Variants in CCDC3 observed in about 807,000 individuals in gnomAD.
CCDC3 encodes coiled-coil domain containing 3.
CCDC3 carries 24 observed loss-of-function variants against 21.4 expected under a neutral mutation model. That is an observed-to-expected ratio of 1.12 (90% CI 0.81 to 1.58). The LOEUF is 1.58. Among genes scored for constraint, CCDC3 ranks in the 40% most tolerant of loss-of-function variants. The pLI is 0.00. For missense variants in CCDC3, 425 were observed against 360.9 expected, an observed-to-expected ratio of 1.18 and a Z score of -1.44; for synonymous variants, 186 against 166.0, an observed-to-expected ratio of 1.12 and a Z score of -0.93.
Position 12,909,569 on chromosome 10 carries a change from C to CA in CCDC3, c.550-10891dup, listed in dbSNP as rs537340655. Reference sequence around the variant, plus strand: ...GGGAAGAACAGGTCATTGGCCCAGTCAAAGCTTACCCCTTGCTCTGTGGAC... The same window carrying CA: ...GGGAAGAACAGGTCATTGGCCCAGTCAAAAGCTTACCCCTTGCTCTGTGGAC... On this transcript the variant is annotated intron_variant, in intron 2 of 2. Coordinates refer to ENST00000378825, the MANE Select transcript of CCDC3 (RefSeq NM_031455.4). 9.0e-4 allele frequency among the ~76,000 whole-genome samples: 137 copies of CA among 152,312 alleles called. 1 individual carries two copies. Among genetic ancestry groups the CA allele is most frequent in the African/African-American group, 3.1e-3 (130 of 41,570 alleles).
At chr10:13,091,840 A>T (rs1343744191) in intron 3 of CCDC3, among the ~76,000 whole-genome samples, 1 of 102,658 alleles carries the variant, frequency 9.7e-6, no homozygotes, top group African/African-American at 3.5e-5. Context: ...AAAAAAAAAA[A>T]ATTCCTCCTT....
At chr10:12,900,522 C>CAAAA (rs10716235) in intron 2 of CCDC3, among the ~76,000 whole-genome samples, 3 of 75,866 alleles carry the variant, frequency 4.0e-5, no homozygotes, top group African/African-American at 1.2e-4. Context: ...ACTAAAAATA[C>CAAAA]AAAAAAAAAA....
intron 5 of CCDC3, among the ~76,000 whole-genome samples, chr10:13,043,981 T>C (rs1836493723): frequency 6.6e-6 from 1 of 151,662 alleles, no homozygotes; most frequent in Non-Finnish European, 1.5e-5. Context: ...CAACAGTAAA[T>C]AAGCATTCCC....
chr10:13,025,380 T>C (rs927837463), intron 5 of CCDC3, among the ~76,000 whole-genome samples: 1 of 152,204 alleles, frequency 6.6e-6, no homozygotes, highest in Non-Finnish European at 1.5e-5. Context: ...TAAAGTTGCA[T>C]TGGCCAAAGC....
intron 4 of CCDC3, among the ~76,000 whole-genome samples, chr10:13,056,394 C>A (rs751942531): frequency 1.3e-5 from 2 of 152,154 alleles, no homozygotes; most frequent in African/African-American, 4.8e-5. Flanking sequence ...GAAATGTAGT[C>A]CAGCTGTGTG....
intron 2 of CCDC3, among the ~76,000 whole-genome samples, chr10:12,952,371 A>G (rs1835020203): frequency 6.6e-6 from 1 of 152,246 alleles, no homozygotes; most frequent in African/African-American, 2.4e-5. Context: ...TTTTACGGTC[A>G]TGGACCATGT....
intron 4 of CCDC3, among the ~76,000 whole-genome samples, chr10:13,070,206 G>C (rs1447798509): frequency 6.6e-6 from 1 of 152,098 alleles, no homozygotes; most frequent in Non-Finnish European, 1.5e-5. Flanking sequence ...ATTGAGTAAG[G>C]TATACTCCTG....
intron 4 of CCDC3, chr10:13,057,840 C>T (rs55749905): frequency 0.38 from 135,652 of 354,500 alleles, 27,033 homozygotes; most frequent in East Asian, 0.53. Flanking sequence ...GAGATCCCGC[C>T]ATGGTACTCC....
intron 2 of CCDC3, among the ~76,000 whole-genome samples, chr10:12,975,302 C>G (rs951924294): frequency 1.3e-5 from 2 of 152,182 alleles, no homozygotes; most frequent in African/African-American, 4.8e-5. Flanking sequence ...CCCAGACACC[C>G]CCACTGCCCT....
At chr10:13,077,481 A>C (rs1836981251) in intron 3 of CCDC3, among the ~76,000 whole-genome samples, 2 of 152,206 alleles carry the variant, frequency 1.3e-5, no homozygotes, top group Non-Finnish European at 2.9e-5. Context: ...GCTACCAATG[A>C]CTTTCTTCAC....
intron 4 of CCDC3, among the ~76,000 whole-genome samples, chr10:13,065,383 T>C (rs1430100758): frequency 6.6e-6 from 1 of 152,116 alleles, no homozygotes; most frequent in South Asian, 2.1e-4. Context: ...CTTATTAGCA[T>C]AAAAATGGTC....
At chr10:13,054,272 C>G (rs1022737322) in intron 4 of CCDC3, among the ~76,000 whole-genome samples, 1 of 152,044 alleles carries the variant, frequency 6.6e-6, no homozygotes, top group African/African-American at 2.4e-5. Context: ...CATCAGGCCA[C>G]TCCGGGCTGC....
chr10:12,957,636 A>G (rs1835111615), intron 2 of CCDC3, among the ~76,000 whole-genome samples: 1 of 152,110 alleles, frequency 6.6e-6, no homozygotes, highest in African/African-American at 2.4e-5. Flanking sequence ...CGATAGTGAG[A>G]GTTCTCTCGA....
chr10:12,937,058 C>T (rs955442471), intron 2 of CCDC3, among the ~76,000 whole-genome samples: 3 of 152,104 alleles, frequency 2.0e-5, no homozygotes, highest in Non-Finnish European at 4.4e-5. Flanking sequence ...AGAGGTAAAA[C>T]TCACAAAAGC....
At chr10:12,994,323 G>T (rs1425951607) in intron 2 of CCDC3, among the ~76,000 whole-genome samples, 1 of 151,714 alleles carries the variant, frequency 6.6e-6, no homozygotes, top group Non-Finnish European at 1.5e-5. Context: ...ACTTGAACCT[G>T]GGAGACAGAG....
At chr10:13,014,847 A>T (rs1836032071) in intron 5 of CCDC3, among the ~76,000 whole-genome samples, 1 of 152,152 alleles carries the variant, frequency 6.6e-6, no homozygotes, top group Admixed American at 6.5e-5. Context: ...ATATTTAAAA[A>T]GTATATTATG....
intron 5 of CCDC3, among the ~76,000 whole-genome samples, chr10:13,024,437 G>C (rs1372829599): frequency 2.0e-5 from 3 of 152,098 alleles, no homozygotes; most frequent in Non-Finnish European, 2.9e-5. Flanking sequence ...ATTTTGCCTA[G>C]CTGAGAGAAA....
Position 13,022,466 on chromosome 10 carries a change from A to G in CCDC3, c.-1-23954T>C, listed in dbSNP as rs186030968. On this transcript the variant is annotated intron_variant, in intron 5 of 6. Coordinates refer to the CCDC3 transcript ENST00000378839. ...CTCAGCATTTACCAGAAAGCCCACC[A>G]TCAGCTGATCCTAGGACCTGCTCAG... Among the ~76,000 whole-genome samples the G allele has an allele frequency of 3.2e-4, 49 of 152,304 alleles. No homozygotes were observed. The East Asian group carries it at 8.9e-3, about 28-fold the overall frequency.
intron 3 of CCDC3, among the ~76,000 whole-genome samples, chr10:13,078,160 T>C (rs1201189315): frequency 1.6e-4 from 25 of 152,074 alleles, no homozygotes; most frequent in East Asian, 9.7e-4. Context: ...AACAAATTTA[T>C]AAGAAAAAAG....
Sources: allele counts gnomAD v4.1 joint callset (sites outside exome capture counted in the v4.1 genomes callset), GRCh38; gene constraint gnomAD v4.1.1; transcripts MANE v1.5; gene names NCBI Gene and HGNC (gene_info 2026-07-23, HGNC 2026-07-21).